The following SCARF2 variants were observed in gnomAD, a reference collection of about 807,000 sequenced individuals.
SCARF2 encodes the protein scavenger receptor class F member 2.
A neutral mutation model predicts 73.4 loss-of-function variants in SCARF2; 39 were observed. The observed-to-expected ratio is 0.53, with a 90% CI of 0.41 to 0.69. SCARF2 has a LOEUF of 0.69. SCARF2 is among the 30% of genes least tolerant of loss of function. The probability of loss-of-function intolerance (pLI) is 0.00; values close to 1 mark genes in which losing one functional copy is unlikely to be tolerated. For synonymous variants in SCARF2, 605 were observed against 590.0 expected (o/e 1.03, Z -0.37); for missense variants, 1,148 against 1,303.5 (o/e 0.88, Z 1.84).
In SCARF2 at chr22:20,430,707, C is replaced by A; in HGVS notation, c.1056G>T (p.Ala352=). ...HVTGKCTRCN[A]GWIGDRCETK... The stretch of plus-strand genomic sequence containing the variant: ...CTGCTCACCGGTCGCCGATCCAGCC[C>A]GCGTTGCAGCGCGTACACTTGCCGG... Residue 352 remains alanine, a synonymous_variant, in exon 5 of 11, where the codon GCG becomes GCT. Transcript: ENST00000622235. 1 of 1,602,700 alleles carries A rather than the reference C, an allele frequency of 6.2e-7. No individual in the cohort carries two copies. The highest frequency in any genetic ancestry group is 1.1e-5 in the South Asian group (1 of 89,790).
At position 20,426,301 on chromosome 22, in the gene SCARF2, G is replaced by C. The variant is rs996846647; in HGVS notation, c.1694-19C>G. The C allele has an allele frequency of 1.9e-5, 29 of 1,532,328 alleles. No homozygotes were observed. In the Admixed American group the frequency reaches 5.7e-4, roughly 30 times the overall value. 94.9% of individuals were successfully genotyped at this position (1,532,328 alleles called of 1,614,324 possible). A position where few individuals can be genotyped will look rare whatever the true frequency, so the allele number is the denominator to read the frequency against. On this transcript the variant is annotated intron_variant, in intron 10 of 10. Coordinates refer to ENST00000622235, the MANE Select transcript of SCARF2 (RefSeq NM_182895.5). ...GGTGCCTCTGGCAAGGGAAGAGCAGGGCGGTCACAGCCTTCAGGAATACCT... is the reference window on the plus strand; with the variant it reads ...GGTGCCTCTGGCAAGGGAAGAGCAGCGCGGTCACAGCCTTCAGGAATACCT...
At chr22:20,436,260 A>T (rs1475743231) in intron 1 of SCARF2, among the ~76,000 whole-genome samples, 1 of 152,192 alleles carries the variant, frequency 6.6e-6, no homozygotes, top group Non-Finnish European at 1.5e-5. Flanking sequence ...AAGGGCTCTC[A>T]GGCTCCGGAC....
In SCARF2 at chr22:20,425,632, C is replaced by T. The variant is rs916929956; in HGVS notation, c.2344G>A (p.Gly782Ser). The T allele has an allele frequency of 1.8e-5, 23 of 1,308,250 alleles. No homozygotes were observed. The African/African-American group carries it at 3.1e-4, about 18-fold the overall frequency. The allele number at this position is 1,308,250 out of a possible 1,614,324, so 81.0% of individuals were successfully genotyped here. ...GCGCCCAGGGCCACCTCGGCGCGGC[C>T]CAGGCTGCGAGTCTTGCCGCGCAGC... Reference protein sequence around the residue: ...AELRGKTRSLGRAEVALGAQG... With the variant: ...AELRGKTRSLSRAEVALGAQG... Residue 782 changes from glycine (G) to serine (S), a missense_variant, in exon 11 of 11, where the codon GGC becomes AGC. Gly to Ser is a moderately conservative substitution (Grantham distance 56). Coordinates refer to ENST00000622235, the MANE Select transcript of SCARF2 (RefSeq NM_182895.5). The surrounding 1 kb of genome is among the most constrained non-coding windows in gnomAD (Gnocchi z 4.6).
In SCARF2 at chr22:20,429,316, C is replaced by T. The variant is rs749409128; in HGVS notation, c.1449G>A (p.Lys483=). 2 of 1,596,658 alleles carry T rather than the reference C, an allele frequency of 1.3e-6. No homozygotes were observed. Among genetic ancestry groups the T allele is most frequent in the South Asian group, 1.1e-5 (1 of 90,560 alleles). The change falls in exon 9 of 11, where the codon AAG becomes AAA. Residue 483 remains lysine (K), a synonymous_variant. Transcript: ENST00000622235. The surrounding 1 kb of genome is among the most constrained non-coding windows in gnomAD (Gnocchi z 5.2). ...AGCGCCCGCATAGTCGGTGCGGCGC[C>T]TTCTTCCTCCCAAGCGAAAGCTCCC... ...TRRELSLGRK[K]APHRLCGRFS...
In SCARF2 at chr22:20,425,596, T is replaced by C; in HGVS notation, c.2380A>G (p.Arg794Gly). The C allele has an allele frequency of 7.5e-7, 1 of 1,336,886 alleles. No homozygotes were observed. The highest frequency in any genetic ancestry group is 9.5e-7 in the Non-Finnish European group (1 of 1,047,480). The allele number at this position is 1,336,886 out of a possible 1,614,324, so 82.8% of individuals were successfully genotyped here. A position where few individuals can be genotyped will look rare whatever the true frequency, so the allele number is the denominator to read the frequency against. Reference sequence around the variant, plus strand: ...TTCTGTGGGGGCGCCGGCTTTTCCCTGGGGCCCTGCGCGCCCAGGGCCACC... The same window carrying C: ...TTCTGTGGGGGCGCCGGCTTTTCCCCGGGGCCCTGCGCGCCCAGGGCCACC... ...AEVALGAQGP[R>G]EKPAPPQKAK... is the part of the protein sequence containing the mutation. Residue 794 changes from arginine (R) to glycine (G), a missense_variant, in exon 11 of 11, where the codon AGG becomes GGG. Transcript: ENST00000622235. The surrounding 1 kb of genome is among the most constrained non-coding windows in gnomAD (Gnocchi z 4.6).
chr22:20,436,408 T>G (rs2052699259), intron 1 of SCARF2, among the ~76,000 whole-genome samples: 1 of 151,988 alleles, frequency 6.6e-6, no homozygotes, highest in African/African-American at 2.4e-5. Context: ...CGCCGCTGCA[T>G]TCCTGGGGCC....
At chr22:20,430,050 G>C (rs1314084167) in intron 6 of SCARF2, 4 of 626,150 alleles carry the variant, frequency 6.4e-6, no homozygotes, top group African/African-American at 5.5e-5. Flanking sequence ...CTAGTGGGGG[G>C]GCCTGGGGGA....
chr22:20,435,936 G>C (rs535005812), intron 1 of SCARF2, among the ~76,000 whole-genome samples: 2 of 152,334 alleles, frequency 1.3e-5, no homozygotes. Context: ...GAAAGGGAAG[G>C]GCTGATGGAA....
Position 20,425,598 on chromosome 22 carries a change from G to A in SCARF2, c.2378C>T (p.Pro793Leu). The change falls in exon 11 of 11, where the codon CCC becomes CTC. Residue 793 changes from proline (P) to leucine (L), a missense_variant. Pro to Leu is a moderately conservative substitution (Grantham distance 98, BLOSUM62 -3). Around this residue, in one of 5 missense-constraint regions of SCARF2, gnomAD observed 169 missense variants for 136.9 expected, o/e 1.23. Transcript: ENST00000622235. This position sits in a 1 kb window ranked among gnomAD's most constrained non-coding sequence, Gnocchi z 4.6. Reference protein sequence around the residue: ...RAEVALGAQGPREKPAPPQKA... With the variant: ...RAEVALGAQGLREKPAPPQKA... ...CTGTGGGGGCGCCGGCTTTTCCCTGGGGCCCTGCGCGCCCAGGGCCACCTC... is the reference window on the plus strand; with the variant it reads ...CTGTGGGGGCGCCGGCTTTTCCCTGAGGCCCTGCGCGCCCAGGGCCACCTC... 3 of 1,336,480 alleles carry A rather than the reference G, an allele frequency of 2.2e-6. No individual in the cohort carries two copies. Among genetic ancestry groups the A allele is most frequent in the Non-Finnish European group, 9.5e-7 (1 of 1,047,154 alleles). The allele number at this position is 1,336,480 out of a possible 1,614,324, so 82.8% of individuals were successfully genotyped here. A position where few individuals can be genotyped will look rare whatever the true frequency, so the allele number is the denominator to read the frequency against.
In SCARF2 at chr22:20,429,712, C is replaced by T. The variant is rs2146127553; in HGVS notation, c.1306+18G>A. ...GCACCCCCTGCATTCCTTAACGGGA[C>T]GCCCCTCATCCACTTACCTAGGTGG... On this transcript the variant is annotated intron_variant, in intron 7 of 10. Transcript: ENST00000622235. The surrounding 1 kb of genome is among the most constrained non-coding windows in gnomAD (Gnocchi z 5.2). 6.2e-7 allele frequency: 1 copy of T among 1,613,968 alleles called. No individual in the cohort carries two copies. Among genetic ancestry groups the T allele is most frequent in the Non-Finnish European group, 8.5e-7 (1 of 1,179,958 alleles).
Position 20,429,570 on chromosome 22 carries a change from A to C in SCARF2, c.1390T>G (p.Cys464Gly). The change falls in exon 8 of 11, where the codon TGC becomes GGC. Residue 464 changes from cysteine (C) to glycine (G), a missense_variant. By Grantham distance (159) the Cys-to-Gly change is radical. Transcript: ENST00000622235. The surrounding 1 kb of genome is among the most constrained non-coding windows in gnomAD (Gnocchi z 5.2). ...VCLLLSLLGC[C>G]CACRGKDPTR... ...GGGTCCTTGCCGCGGCAAGCGCAGC[A>C]GCAGCCGAGCAGCGAGAGCAGCAGG... is the stretch of plus-strand genomic sequence containing the variant. The C allele has an allele frequency of 6.2e-7, 1 of 1,613,250 alleles. No homozygotes were observed. Among genetic ancestry groups the C allele is most frequent in the Non-Finnish European group, 8.5e-7 (1 of 1,179,850 alleles).
rs776200974 is a variant in SCARF2 at position 20,429,247 on chromosome 22, C to T, written c.1518G>A (p.Arg506=). 1 of 1,613,994 alleles carries T rather than the reference C, an allele frequency of 6.2e-7. No individual in the cohort carries two copies. Residue 506 remains arginine, a synonymous_variant, in exon 9 of 11, where the codon AGG becomes AGA. Coordinates refer to ENST00000622235, the MANE Select transcript of SCARF2 (RefSeq NM_182895.5). The surrounding 1 kb of genome is among the most constrained non-coding windows in gnomAD (Gnocchi z 5.2). ...SMKLPRIPLR[R]QKLPKVVVAH... is the part of the protein sequence containing the mutation. ...TACCTACGACTTTGGGTAGTTTCTG[C>T]CTCCGGAGCGGGATCCGGGGCAGCT...
In SCARF2 at chr22:20,430,881, C is replaced by T. The variant is rs748144938; in HGVS notation, c.882G>A (p.Pro294=). ...AGCAGCGGCCCTCGGCCACCGTGCA[C>T]GGCTGCTGGCCCTTGCACTGGCCAC... is the stretch of plus-strand genomic sequence containing the variant. ...RRCGQCKGQQ[P]CTVAEGRCLT... is the part of the protein sequence containing the mutation. Residue 294 remains proline (P), a synonymous_variant, in exon 5 of 11, where the codon CCG becomes CCA. Transcript: ENST00000622235. 1.9e-6 allele frequency: 3 copies of T among 1,602,196 alleles called. No individual in the cohort carries two copies. Among genetic ancestry groups the T allele is most frequent in the East Asian group, 2.2e-5 (1 of 44,618 alleles).
At position 20,429,612 on chromosome 22, in the gene SCARF2, G is replaced by T; in HGVS notation, c.1348C>A (p.Leu450Ile). Residue 450 changes from leucine (L) to isoleucine (I), a missense_variant, in exon 8 of 11, where the codon CTC becomes ATC. Transcript: ENST00000622235. This position sits in a 1 kb window ranked among gnomAD's most constrained non-coding sequence, Gnocchi z 5.2. ...AGCAGCAGGCAGACGAGCAGGACGA[G>T]CAGCGCGCCCGCGCCCATCACGCCC... ...RKGVMGAGAL[L>I]VLLVCLLLSL... 1 of 1,613,674 alleles carries T rather than the reference G, an allele frequency of 6.2e-7. No individual in the cohort carries two copies. Among genetic ancestry groups the T allele is most frequent in the Non-Finnish European group, 8.5e-7 (1 of 1,179,916 alleles).
In SCARF2 at chr22:20,429,582, G is replaced by A. The variant is rs1226300220; in HGVS notation, c.1378C>T (p.Leu460=). The change falls in exon 8 of 11, where the codon CTG becomes TTG. Residue 460 remains leucine, a synonymous_variant. Transcript: ENST00000622235. This position sits in a 1 kb window ranked among gnomAD's most constrained non-coding sequence, Gnocchi z 5.2. Reference sequence around the variant, plus strand: ...CGGCAAGCGCAGCAGCAGCCGAGCAGCGAGAGCAGCAGGCAGACGAGCAGG... The same window carrying A: ...CGGCAAGCGCAGCAGCAGCCGAGCAACGAGAGCAGCAGGCAGACGAGCAGG... ...LVLLVCLLLS[L]LGCCCACRGK... is the part of the protein sequence containing the mutation. The A allele has an allele frequency of 1.2e-6, 2 of 1,613,420 alleles. No homozygotes were observed. The highest frequency in any genetic ancestry group is 4.5e-5 in the East Asian group (2 of 44,872).
At position 20,437,655 on chromosome 22, in the gene SCARF2, GCAGCAGCAGCAGCAGCAGCGA is replaced by G; in HGVS notation, c.79_99del (p.Ser27_Leu33del). 1 of 1,468,162 alleles carries G rather than the reference GCAGCAGCAGCAGCAGCAGCGA, an allele frequency of 6.8e-7. No homozygotes were observed. Among genetic ancestry groups the G allele is most frequent in the Non-Finnish European group, 9.0e-7 (1 of 1,105,910 alleles). 90.9% of individuals were successfully genotyped at this position (1,468,162 alleles called of 1,614,324 possible). On this transcript the variant is annotated inframe_deletion, in exon 1 of 11. Transcript: ENST00000622235. ...GCCACGGTGTCCGGCAGCATCCAGAGCAGCAGCAGCAGCAGCAGCGACGGCAGCAGCGGTGACGGCGGCCCC... is the reference window on the plus strand; with the variant it reads ...GCCACGGTGTCCGGCAGCATCCAGAGCGGCAGCAGCGGTGACGGCGGCCCC...
Position 20,425,215 on chromosome 22 carries a change from CAGG to C in SCARF2, c.*157_*159del. ...CCCGCCAGAGCACACTGCTCCAATC[CAGG>C]AGCGGCTGCAGGACCTGAGCCAATG... On this transcript the variant is annotated 3_prime_UTR_variant, in exon 11 of 11. Transcript: ENST00000622235. The surrounding 1 kb of genome is among the most constrained non-coding windows in gnomAD (Gnocchi z 4.6). 3 of 541,520 alleles carry C rather than the reference CAGG, an allele frequency of 5.5e-6. No individual in the cohort carries two copies. The South Asian group carries it at 1.8e-4, about 32-fold the overall frequency. The allele number at this position is 541,520 out of a possible 1,614,324, so 33.5% of individuals were successfully genotyped here. A position where few individuals can be genotyped will look rare whatever the true frequency, so the allele number is the denominator to read the frequency against.
At chr22:20,427,767 TTAAGG>T in intron 9 of SCARF2, among the ~76,000 whole-genome samples, 1 of 152,232 alleles carries the variant, frequency 6.6e-6, no homozygotes, top group South Asian at 2.1e-4. Flanking sequence ...ACAACATGTG[TTAAGG>T]TGCAAGGCAA....
Position 20,429,633 on chromosome 22 carries a change from C to A in SCARF2, c.1327G>T (p.Val443Leu). ...CHLETNQRKG[V>L]MGAGALLVLL... ...ACGAGCAGCGCGCCCGCGCCCATCA[C>A]GCCCTTGCGCTGGTTGGTTTCTGTA... Residue 443 changes from valine (V) to leucine (L), a missense_variant, in exon 8 of 11, where the codon GTG becomes TTG. By Grantham distance (32) the Val-to-Leu change is conservative. Coordinates refer to ENST00000622235, the MANE Select transcript of SCARF2 (RefSeq NM_182895.5). The surrounding 1 kb of genome is among the most constrained non-coding windows in gnomAD (Gnocchi z 5.2). 1 of 1,613,888 alleles carries A rather than the reference C, an allele frequency of 6.2e-7. No homozygotes were observed. The highest frequency in any genetic ancestry group is 2.2e-5 in the East Asian group (1 of 44,866).
Sources: gnomAD v4.1 joint callset for allele counts (sites outside exome capture counted in the v4.1 genomes callset) on GRCh38, gnomAD v4.1.1 for gene constraint, gnomAD v4.1.1 regional missense constraint, Gnocchi (gnomAD v3.1) non-coding constraint, MANE v1.5 for transcripts, NCBI Gene and HGNC (gene_info 2026-07-23, HGNC 2026-07-21) for gene names.